Variants in SV2B observed in about 807,000 individuals in gnomAD.
The protein encoded by SV2B is synaptic vesicle glycoprotein 2B.
Under a neutral mutation model 73.9 loss-of-function variants are expected in SV2B, and 41 were observed. The observed-to-expected ratio is 0.56, with a 90% CI of 0.43 to 0.72. The LOEUF (loss-of-function observed/expected upper bound fraction) is 0.72. Ranked by LOEUF, SV2B falls within the 30% of genes least tolerant of loss-of-function variation. SV2B has a pLI of 0.00. For synonymous variants in SV2B, 314 were observed against 314.2 expected (o/e 1.00, Z 0.01); for missense variants, 764 against 857.8 (o/e 0.89, Z 1.37).
rs1201832244 is a variant in SV2B, at chr15:91,280,788, G to A, written c.1374-940G>A. ...ATAATACATACGCTTGGCATAAAGT[G>A]AAAATTAAGTGTATTATTCCTCACT... On this transcript the variant is annotated intron_variant, in intron 9 of 12. Coordinates refer to ENST00000394232, the MANE Select transcript of SV2B (RefSeq NM_001323032.3). This position sits in a 1 kb window ranked among gnomAD's most constrained non-coding sequence, Gnocchi z 5.8. Among the ~76,000 whole-genome samples the A allele has an allele frequency of 1.3e-5, 2 of 152,154 alleles. No homozygotes were observed. The highest frequency in any genetic ancestry group is 6.5e-5 in the Admixed American group (1 of 15,276).
chr15:91,174,822 G>C (rs2044243692), intron 1 of SV2B, among the ~76,000 whole-genome samples: 1 of 152,214 alleles, frequency 6.6e-6, no homozygotes, highest in South Asian at 2.1e-4. Flanking sequence ...TCTGAGCCTG[G>C]TGGCATCCCC....
At position 91,236,350 on chromosome 15, in the gene SV2B, A is replaced by G. The variant is rs989775546; in HGVS notation, c.451+9636A>G. Among the ~76,000 whole-genome samples the G allele has an allele frequency of 3.9e-5, 6 of 152,196 alleles. No individual in the cohort carries two copies. Among genetic ancestry groups the G allele is most frequent in the Admixed American group, 1.3e-4 (2 of 15,276 alleles). On this transcript the variant is annotated intron_variant, in intron 2 of 12. Transcript: ENST00000394232. This position sits in a 1 kb window ranked among gnomAD's most constrained non-coding sequence, Gnocchi z 4.1. ...ATTTATGCTTATATTTGCTTCCACA[A>G]TGGAAAACTTCACCAAGAACAAAAA... is the stretch of plus-strand genomic sequence containing the variant.
chr15:91,104,399 G>T (rs2041820319), intron 1 of SV2B, among the ~76,000 whole-genome samples: 1 of 152,192 alleles, frequency 6.6e-6, no homozygotes, highest in Admixed American at 6.5e-5. Context: ...GAAAGTAAAA[G>T]CTTGTATGGC....
At chr15:91,186,015 C>A (rs1042088060) in intron 1 of SV2B, among the ~76,000 whole-genome samples, 4 of 152,228 alleles carry the variant, frequency 2.6e-5, no homozygotes, top group African/African-American at 9.6e-5. Context: ...CTTCTTCTCT[C>A]TTCTGTCTTC....
intron 1 of SV2B, among the ~76,000 whole-genome samples, chr15:91,187,182 T>C (rs985623487): frequency 1.3e-5 from 2 of 152,228 alleles, no homozygotes; most frequent in Non-Finnish European, 2.9e-5. Flanking sequence ...TTACATTTTG[T>C]GACATATTGT....
At chr15:91,260,249 T>C in intron 5 of SV2B, 71 bp from the exon 6 acceptor site, 1 of 1,381,350 alleles carries the variant, frequency 7.2e-7, no homozygotes, top group Non-Finnish European at 9.9e-7. Flanking sequence ...TTTGTAGGAT[T>C]TTCCACCCCT....
Position 91,299,556 on chromosome 15 carries a change from A to T in SV2B, c.*7004A>T, listed in dbSNP as rs1178778128. On this transcript the variant is annotated 3_prime_UTR_variant, in exon 13 of 13. Coordinates refer to ENST00000394232, the MANE Select transcript of SV2B (RefSeq NM_001323032.3). ...ATAACAAGTGTCTCAGGACGAGGAT[A>T]TTTGGTAGGTATCCTTAAATATATA... 9 of 152,336 alleles carry T rather than the reference A, an allele frequency of 5.9e-5. No homozygotes were observed. Among genetic ancestry groups the T allele is most frequent in the African/African-American group, 1.9e-4 (8 of 41,582 alleles). 9.4% of individuals were successfully genotyped at this position (152,336 alleles called of 1,614,324 possible).
chr15:91,104,997 C>G (rs1327203251), intron 1 of SV2B, among the ~76,000 whole-genome samples: 2 of 152,172 alleles, frequency 1.3e-5, no homozygotes, highest in Non-Finnish European at 2.9e-5. Context: ...CTCGAATGGG[C>G]AGAGCCTGTA....
chr15:91,256,668 C>T (rs1211180301), intron 4 of SV2B, among the ~76,000 whole-genome samples: 1 of 152,098 alleles, frequency 6.6e-6, no homozygotes, highest in African/African-American at 2.4e-5. Flanking sequence ...GATAAGAGAC[C>T]AAGCTGTGCA....
intron 1 of SV2B, among the ~76,000 whole-genome samples, chr15:91,209,793 A>G (rs1037520919): frequency 3.9e-5 from 6 of 152,194 alleles, no homozygotes; most frequent in Non-Finnish European, 7.3e-5. Context: ...GTGAGTGAGA[A>G]GCTCCTGACA....
In SV2B at chr15:91,220,201, G is replaced by A. The variant is rs549787941; in HGVS notation, c.-391-5672G>A. Among the ~76,000 whole-genome samples the A allele has an allele frequency of 8.9e-4, 136 of 152,342 alleles. No homozygotes were observed. Among genetic ancestry groups the A allele is most frequent in the African/African-American group, 3.2e-3 (131 of 41,586 alleles). On this transcript the variant is annotated intron_variant, in intron 1 of 12. Coordinates refer to ENST00000394232, the MANE Select transcript of SV2B (RefSeq NM_001323032.3). The surrounding 1 kb of genome is among the most constrained non-coding windows in gnomAD (Gnocchi z 4.1). ...AGAAACTGACGAACTAGCTTCCAAAGGCTATTTTACATGCCCACTGTCAGT... is the reference window on the plus strand; with the variant it reads ...AGAAACTGACGAACTAGCTTCCAAAAGCTATTTTACATGCCCACTGTCAGT...
At chr15:91,201,358 A>G (rs1385599599) in intron 1 of SV2B, among the ~76,000 whole-genome samples, 1 of 152,230 alleles carries the variant, frequency 6.6e-6, no homozygotes, top group Non-Finnish European at 1.5e-5. Flanking sequence ...TTTAAGCCTC[A>G]TAACGACCTG....
intron 1 of SV2B, among the ~76,000 whole-genome samples, chr15:91,207,214 G>A (rs1480622216): frequency 9.4e-5 from 14 of 149,226 alleles, no homozygotes; most frequent in Admixed American, 8.6e-4. Context: ...TGAGAGACGG[G>A]GTCTCACCAT....
rs2141536235 is a variant in SV2B at position 91,236,380 on chromosome 15, C to T, written c.451+9666C>T. ...AAACTTCACCAAGAACAAAAAAGAC[C>T]CATAAGACCCTTGACCCACATGTTG... On this transcript the variant is annotated intron_variant, in intron 2 of 12. Transcript: ENST00000394232. This position sits in a 1 kb window ranked among gnomAD's most constrained non-coding sequence, Gnocchi z 4.1. Among the ~76,000 whole-genome samples the T allele has an allele frequency of 6.6e-6, 1 of 152,188 alleles. No individual in the cohort carries two copies. The highest frequency in any genetic ancestry group is 6.5e-5 in the Admixed American group (1 of 15,284).
At chr15:91,217,770 G>T (rs1359900521) in intron 1 of SV2B, among the ~76,000 whole-genome samples, 1 of 152,230 alleles carries the variant, frequency 6.6e-6, no homozygotes, top group Non-Finnish European at 1.5e-5. Flanking sequence ...CACGGTCTTA[G>T]AAATCGTCCA....
chr15:91,099,908 C>T (rs1390525608), upstream of SV2B: 2 of 152,254 alleles, frequency 1.3e-5, no homozygotes, highest in Non-Finnish European at 2.9e-5. Flanking sequence ...GAGACGACGC[C>T]CATGATCAGC....
rs763617505 is a variant in SV2B at position 91,297,308 on chromosome 15, C to A, written c.*4756C>A. On this transcript the variant is annotated 3_prime_UTR_variant, in exon 13 of 13. Transcript: ENST00000394232. This position sits in a 1 kb window ranked among gnomAD's most constrained non-coding sequence, Gnocchi z 5.1. ...TGTGCCTTGCAGCCGATCCAGCCTC[C>A]CTTTGCTGCAGAGGAGGCAGGGAAA... 1 of 152,294 alleles carries A rather than the reference C, an allele frequency of 6.6e-6. No individual in the cohort carries two copies. The highest frequency in any genetic ancestry group is 1.5e-5 in the Non-Finnish European group (1 of 68,088). 9.4% of individuals were successfully genotyped at this position (152,294 alleles called of 1,614,324 possible).
At chr15:91,272,232 T>G (rs1322212404) in intron 9 of SV2B, among the ~76,000 whole-genome samples, 1 of 152,216 alleles carries the variant, frequency 6.6e-6, no homozygotes, top group Non-Finnish European at 1.5e-5. Context: ...AATAAGTTCA[T>G]GTTTTAAACC....
chr15:91,190,641 G>T (rs2044974079), intron 1 of SV2B, among the ~76,000 whole-genome samples: 1 of 152,110 alleles, frequency 6.6e-6, no homozygotes, highest in African/African-American at 2.4e-5. Flanking sequence ...GACATATGTT[G>T]TAGGTTTCTG....
Sources: allele counts gnomAD v4.1 joint callset (sites outside exome capture counted in the v4.1 genomes callset), GRCh38; gene constraint gnomAD v4.1.1; non-coding constraint Gnocchi (gnomAD v3.1); transcripts MANE v1.5; gene names NCBI Gene and HGNC (gene_info 2026-07-23, HGNC 2026-07-21).